GASK1A: variants seen among roughly 807,000 people sequenced by gnomAD.
The protein encoded by GASK1A is Golgi-associated kinase 1A.
A neutral mutation model predicts 41.2 loss-of-function variants in GASK1A; 40 were observed. The observed-to-expected ratio is 0.97, with a 90% CI of 0.75 to 1.27. The LOEUF is 1.27. Among genes scored for constraint, GASK1A ranks in the 50% most tolerant of loss-of-function variants. The pLI is 0.00. For missense variants in GASK1A, 678 were observed against 745.1 expected (o/e 0.91, Z 1.05); for synonymous variants, 316 against 307.1 (o/e 1.03, Z -0.30).
chr3:43,051,076 C>T (rs989485735), intron 2 of GASK1A, among the ~76,000 whole-genome samples: 18 of 152,114 alleles, frequency 1.2e-4, no homozygotes, highest in African/African-American at 4.3e-4. Context: ...CTTTGACTGT[C>T]TCATATTTTT....
intron 1 of GASK1A, among the ~76,000 whole-genome samples, chr3:43,019,790 C>A (rs951164110): frequency 5.5e-5 from 8 of 145,710 alleles, no homozygotes; most frequent in Non-Finnish European, 7.7e-5. Flanking sequence ...ACACACACAC[C>A]CCATCACATG....
chr3:42,988,928 G>A (rs2125673218), intron 1 of GASK1A, among the ~76,000 whole-genome samples: 1 of 152,364 alleles, frequency 6.6e-6, no homozygotes, highest in East Asian at 1.9e-4. Flanking sequence ...GCAGTGTTGT[G>A]AGGTGACTTC....
chr3:42,987,683 T>C (rs1364791543), intron 1 of GASK1A, among the ~76,000 whole-genome samples: 1 of 152,140 alleles, frequency 6.6e-6, no homozygotes, highest in South Asian at 2.1e-4. Flanking sequence ...TTTGTACATA[T>C]TGCCTTGATA....
intron 1 of GASK1A, among the ~76,000 whole-genome samples, chr3:42,979,907 C>G (rs759561014): frequency 1.1e-4 from 17 of 152,148 alleles, no homozygotes; most frequent in Non-Finnish European, 2.4e-4. Context: ...TTGACCTAAC[C>G]GTAACCCACT....
In GASK1A at chr3:42,979,312, C is replaced by T. The variant is rs2125670280; in HGVS notation, c.-331C>T. ...GCTGGGCCGGGACGCGCGGCAGGGA[C>T]TTTGCAAACTCTGCAAAAGTCCCGA... On this transcript the variant is annotated 5_prime_UTR_variant, in exon 1 of 5. Coordinates refer to ENST00000430121, the MANE Select transcript of GASK1A (RefSeq NM_001129908.3). 3.2e-6 allele frequency: 1 copy of T among 316,424 alleles called. No homozygotes were observed. The highest frequency in any genetic ancestry group is 5.0e-5 in the Admixed American group (1 of 20,176). The allele number at this position is 316,424 out of a possible 1,614,324, so 19.6% of individuals were successfully genotyped here. A position where few individuals can be genotyped will look rare whatever the true frequency, so the allele number is the denominator to read the frequency against.
intron 1 of GASK1A, among the ~76,000 whole-genome samples, chr3:43,026,673 G>A (rs9882262): frequency 0.56 from 85,404 of 151,898 alleles, 24,357 homozygotes; most frequent in South Asian, 0.69. Flanking sequence ...GTAAAACACA[G>A]TAAGTCAAAT....
chr3:43,007,192 T>C (rs1473762924), intron 1 of GASK1A, among the ~76,000 whole-genome samples: 1 of 152,178 alleles, frequency 6.6e-6, no homozygotes. Context: ...TGTGGGGCAA[T>C]TGCAAATATC....
intron 1 of GASK1A, among the ~76,000 whole-genome samples, chr3:43,001,494 C>G (rs1575437823): frequency 6.6e-6 from 1 of 152,156 alleles, no homozygotes; most frequent in Admixed American, 6.5e-5. Flanking sequence ...TATGCAGCCT[C>G]CAGCAAGTAT....
chr3:43,032,457 G>A lies in GASK1A; in HGVS notation c.194G>A (p.Ser65Asn). The A allele has an allele frequency of 6.4e-7, 1 of 1,551,244 alleles. No homozygotes were observed. The highest frequency in any genetic ancestry group is 2.0e-5 in the Admixed American group (1 of 50,988). Residue 65 changes from serine (S) to asparagine (N), a missense_variant, in exon 2 of 5, where the codon AGC becomes AAC. Transcript: ENST00000430121. ...APATHIRQAL[S>N]SSRRQRARNM... is the part of the protein sequence containing the mutation. The stretch of plus-strand genomic sequence containing the variant: ...GCAACCCATATCCGGCAGGCTTTGA[G>A]CTCCAGCCGGAGGCAGCGGGCAAGA...
In GASK1A at chr3:42,986,084, G is replaced by A. The variant is rs79302972; in HGVS notation, c.3+6439G>A. ...GCCCCAAACTGGAAACAACCCAAAT[G>A]TTGCTCAAGTGTAACTGGATAAACT... On this transcript the variant is annotated intron_variant, in intron 1 of 4. Coordinates refer to ENST00000430121, the MANE Select transcript of GASK1A (RefSeq NM_001129908.3). 7.2e-5 allele frequency among the ~76,000 whole-genome samples: 11 copies of A among 152,268 alleles called. 1 individual carries two copies. In the East Asian group the frequency reaches 2.1e-3, roughly 29 times the overall value.
At chr3:43,025,576 T>C (rs2089542956) in intron 1 of GASK1A, among the ~76,000 whole-genome samples, 1 of 152,202 alleles carries the variant, frequency 6.6e-6, no homozygotes, top group African/African-American at 2.4e-5. Flanking sequence ...GGGTGGTCTT[T>C]CCAGAAGAAT....
At chr3:43,050,309 C>A (rs1423518133) in intron 2 of GASK1A, among the ~76,000 whole-genome samples, 1 of 152,010 alleles carries the variant, frequency 6.6e-6, no homozygotes, top group Non-Finnish European at 1.5e-5. Flanking sequence ...GGTTGACAGG[C>A]TCTCTTTTTT....
intron 2 of GASK1A, among the ~76,000 whole-genome samples, chr3:43,036,929 G>A (rs1481075833): frequency 6.6e-6 from 1 of 152,152 alleles, no homozygotes; most frequent in Admixed American, 6.5e-5. Context: ...AACTGTAATA[G>A]GCTCCTGACC....
At chr3:42,987,113 T>G (rs1021727040) in intron 1 of GASK1A, among the ~76,000 whole-genome samples, 1 of 152,262 alleles carries the variant, frequency 6.6e-6, no homozygotes, top group Admixed American at 6.5e-5. Context: ...ATTTTACTTC[T>G]GCGCAGAGGG....
chr3:43,056,206 A>C lies in GASK1A; in HGVS notation c.1548A>C (p.Ala516=). ...CTGAGTCTGCCGTGAAGGTTCTCGC[A>C]TCAGGGTGTCTACAGAACATGCTGC... is the stretch of plus-strand genomic sequence containing the variant. ...GFPESAVKVL[A]SGCLQNMLLK... The change falls in exon 5 of 5, where the codon GCA becomes GCC. Residue 516 remains alanine, a synonymous_variant. Coordinates refer to ENST00000430121, the MANE Select transcript of GASK1A (RefSeq NM_001129908.3). The C allele has an allele frequency of 6.4e-7, 1 of 1,551,648 alleles. No homozygotes were observed. Among genetic ancestry groups the C allele is most frequent in the Non-Finnish European group, 8.7e-7 (1 of 1,146,938 alleles).
intron 1 of GASK1A, among the ~76,000 whole-genome samples, chr3:43,014,980 C>A (rs1408398391): frequency 8.0e-5 from 12 of 150,532 alleles, no homozygotes; most frequent in Admixed American, 7.9e-4. Context: ...TTTGAGGTCA[C>A]AGGAAGGGAC....
intron 1 of GASK1A, among the ~76,000 whole-genome samples, chr3:42,980,885 A>G (rs2089279770): frequency 6.6e-6 from 1 of 152,206 alleles, no homozygotes; most frequent in East Asian, 1.9e-4. Context: ...ATCCTATTAC[A>G]AATTCCCTGT....
intron 2 of GASK1A, chr3:43,037,392 G>T: frequency 1.0e-6 from 1 of 962,636 alleles, no homozygotes; most frequent in South Asian, 1.3e-5. Flanking sequence ...ACTAAGTACA[G>T]ACAGCCCTTG....
chr3:43,001,720 A>G (rs2089409968), intron 1 of GASK1A, among the ~76,000 whole-genome samples: 1 of 152,110 alleles, frequency 6.6e-6, no homozygotes, highest in Non-Finnish European at 1.5e-5. Context: ...GAAGGTGGGG[A>G]TAGGTGGGCC....
Sources: gnomAD v4.1 joint callset for allele counts (sites outside exome capture counted in the v4.1 genomes callset) on GRCh38, gnomAD v4.1.1 for gene constraint, MANE v1.5 for transcripts, NCBI Gene and HGNC (gene_info 2026-07-23, HGNC 2026-07-21) for gene names.